HECTD4: variants seen among roughly 807,000 people sequenced by gnomAD.
HECTD4 encodes probable E3 ubiquitin-protein ligase HECTD4.
Under a neutral mutation model 471.5 loss-of-function variants are expected in HECTD4, and 114 were observed. The ratio of observed to expected loss-of-function variants is 0.24; its 90% CI spans 0.21 to 0.28. The LOEUF (loss-of-function observed/expected upper bound fraction) is 0.28, where lower values mean the gene tolerates loss of function less well. Ranked by LOEUF, HECTD4 falls within the 10% of genes least tolerant of loss-of-function variation. The pLI, the probability that HECTD4 is intolerant of heterozygous loss-of-function variation, is 1.00. For synonymous variants in HECTD4, 2,012 were observed against 2,256.0 expected (o/e 0.89, Z 3.07); for missense variants, 3,866 against 5,651.5 (o/e 0.68, Z 10.13).
Position 112,160,781 on chromosome 12 carries a change from C to T in HECTD4, c.*1606G>A, listed in dbSNP as rs1188907009. On this transcript the variant is annotated 3_prime_UTR_variant, in exon 76 of 76. Coordinates refer to ENST00000682272, the MANE Select transcript of HECTD4 (RefSeq NM_001388303.1). ...TACATCCTGGCTGTGACCCCCCACACTCAAAGGAGCTGTGGCCGCTGGGGA... is the reference window on the plus strand; with the variant it reads ...TACATCCTGGCTGTGACCCCCCACATTCAAAGGAGCTGTGGCCGCTGGGGA... 2.0e-5 allele frequency: 3 copies of T among 148,638 alleles called. No individual in the cohort carries two copies. Among genetic ancestry groups the T allele is most frequent in the African/African-American group, 7.3e-5 (3 of 41,318 alleles). 9.2% of individuals were successfully genotyped at this position (148,638 alleles called of 1,614,324 possible).
chr12:112,270,972 GC>G (rs1303718105), intron 11 of HECTD4, among the ~76,000 whole-genome samples: 13 of 152,228 alleles, frequency 8.5e-5, no homozygotes, highest in Admixed American at 7.9e-4. Flanking sequence ...AGCTGAAAAT[GC>G]CCGTTAGATA....
intron 45 of HECTD4, 60 bp downstream of exon 45, chr12:112,219,326 G>T: frequency 8.2e-7 from 1 of 1,217,716 alleles, no homozygotes; most frequent in Non-Finnish European, 1.2e-6. Flanking sequence ...CTTGCTGCTG[G>T]CCTTACTCAG....
chr12:112,319,864 A>C lies in HECTD4; in HGVS notation c.178-122T>G, dbSNP rs2035549982. The stretch of plus-strand genomic sequence containing the variant: ...GCCAAAAATTATTTTAATTACAATC[A>C]AATGGAAAACGTATACTGTAAAGCC... On this transcript the variant is annotated intron_variant, in intron 1 of 75. Transcript: ENST00000682272. This position sits in a 1 kb window ranked among gnomAD's most constrained non-coding sequence, Gnocchi z 5.3. The C allele has an allele frequency of 1.4e-6, 1 of 693,028 alleles. No individual in the cohort carries two copies. The highest frequency in any genetic ancestry group is 1.9e-5 in the African/African-American group (1 of 54,010). The allele number at this position is 693,028 out of a possible 1,614,324, so 42.9% of individuals were successfully genotyped here. A position where few individuals can be genotyped will look rare whatever the true frequency, so the allele number is the denominator to read the frequency against.
intron 7 of HECTD4, among the ~76,000 whole-genome samples, chr12:112,286,468 GT>G (rs2034755970): frequency 6.6e-6 from 1 of 152,192 alleles, no homozygotes; most frequent in South Asian, 2.1e-4. Context: ...GAGCCCAGGA[GT>G]TCGAGACCAG....
Position 112,290,850 on chromosome 12 carries a change from AAAAAAAACAAAAC to A in HECTD4, c.1336-7561_1336-7549del, listed in dbSNP as rs1370529576. ...GCAACAAGAGCGAAACTCCGTCTCA[AAAAAAAACAAAAC>A]AAAAAAAAAAAACAAATCACAGATA... On this transcript the variant is annotated intron_variant, in intron 7 of 75. Transcript: ENST00000682272. Among the ~76,000 whole-genome samples, 1,097 of 150,166 alleles carry A rather than the reference AAAAAAAACAAAAC, an allele frequency of 7.3e-3. 55 individuals are homozygous for A. Among genetic ancestry groups the A allele is most frequent in the African/African-American group, 0.025 (1,007 of 40,762 alleles).
At chr12:112,269,906 T>C in intron 12 of HECTD4, 57 bp from the exon 13 acceptor site, 1 of 1,477,608 alleles carries the variant, frequency 6.8e-7, no homozygotes, top group Non-Finnish European at 9.4e-7. Context: ...GATAAAATTA[T>C]CTCTACAAAG....
chr12:112,161,348 G>A lies in HECTD4; in HGVS notation c.*1039C>T, dbSNP rs570034884. ...CTGGGTGGGGCTGGCCAGAGGGGCA[G>A]AAGGACCCCCCTGGAGTCTCCATCT... On this transcript the variant is annotated 3_prime_UTR_variant, in exon 76 of 76. Coordinates refer to ENST00000682272, the MANE Select transcript of HECTD4 (RefSeq NM_001388303.1). The A allele has an allele frequency of 1.3e-5, 2 of 152,348 alleles. No individual in the cohort carries two copies. The highest frequency in any genetic ancestry group is 4.8e-5 in the African/African-American group (2 of 41,560). The allele number at this position is 152,348 out of a possible 1,614,324, so 9.4% of individuals were successfully genotyped here.
chr12:112,365,761 GTTTT>G (rs1289507631), intron 1 of HECTD4, among the ~76,000 whole-genome samples: 2 of 128,878 alleles, frequency 1.6e-5, no homozygotes, highest in Non-Finnish European at 3.2e-5. Flanking sequence ...GCTTCTTTGT[GTTTT>G]TTTTTTGTTT....
chr12:112,181,435 T>C (rs1038667318), intron 62 of HECTD4, among the ~76,000 whole-genome samples: 6 of 152,178 alleles, frequency 3.9e-5, no homozygotes, highest in African/African-American at 1.4e-4. Context: ...ACCCTGATCC[T>C]ACCTCTGAGG....
In HECTD4 at chr12:112,233,062, C is replaced by T; in HGVS notation, c.5939G>A (p.Arg1980Gln). 4 of 1,610,998 alleles carry T rather than the reference C, an allele frequency of 2.5e-6. No individual in the cohort carries two copies. The highest frequency in any genetic ancestry group is 3.4e-6 in the Non-Finnish European group (4 of 1,178,716). Reference protein sequence around the residue: ...LLSSSEGRPFRLGTGANMEKV... With the variant: ...LLSSSEGRPFQLGTGANMEKV... The stretch of plus-strand genomic sequence containing the variant: ...CTCCATGTTGGCGCCAGTACCAAGT[C>T]GGAAGGGCCGTCCTTCTGAACTACT... Residue 1980 changes from arginine (R) to glutamine (Q), a missense_variant, in exon 38 of 76, where the codon CGA (arginine) becomes CAA (glutamine). Coordinates refer to ENST00000682272, the MANE Select transcript of HECTD4 (RefSeq NM_001388303.1).
At chr12:112,181,942 A>C (rs1478145153) in intron 62 of HECTD4, among the ~76,000 whole-genome samples, 1 of 152,146 alleles carries the variant, frequency 6.6e-6, no homozygotes, top group Admixed American at 6.5e-5. Context: ...AAATACAAAA[A>C]TTAGCTGGGT....
At chr12:112,355,493 C>T (rs951397707) in intron 1 of HECTD4, among the ~76,000 whole-genome samples, 1 of 149,844 alleles carries the variant, frequency 6.7e-6, no homozygotes, top group South Asian at 2.1e-4. Context: ...GGCACGGTGG[C>T]TCACACCAGT....
chr12:112,258,530 G>C lies in HECTD4; in HGVS notation c.3094C>G (p.Pro1032Ala). The change falls in exon 20 of 76, where the codon CCA becomes GCA. Residue 1032 changes from proline to alanine, a missense_variant. By Grantham distance (27) the Pro-to-Ala change is conservative. This residue lies in a region of HECTD4 where 525 missense variants were observed against 672.6 expected (regional missense o/e 0.78). Coordinates refer to ENST00000682272, the MANE Select transcript of HECTD4 (RefSeq NM_001388303.1). ...GGGAACAGCCTGCACTTCTGGTCTG[G>C]TGCACCACACGGGGAACAGCCCACC... ...AEVGCSPCGA[P>A]DQKCRLFPDE... is the part of the protein sequence containing the mutation. The C allele has an allele frequency of 6.2e-7, 1 of 1,604,226 alleles. No individual in the cohort carries two copies. The highest frequency in any genetic ancestry group is 8.5e-7 in the Non-Finnish European group (1 of 1,176,058).
At chr12:112,230,309 G>C (rs1334737140) in intron 40 of HECTD4, among the ~76,000 whole-genome samples, 2 of 152,226 alleles carry the variant, frequency 1.3e-5, no homozygotes, top group Admixed American at 6.5e-5. Flanking sequence ...TTACTGACAG[G>C]GCACTCAGGC....
At chr12:112,252,279 C>T (rs2033908112) in intron 23 of HECTD4, 145 bp downstream of exon 23, 4 of 692,558 alleles carry the variant, frequency 5.8e-6, no homozygotes, top group Non-Finnish European at 9.0e-6. Context: ...CTACTAACTG[C>T]TAGTAGTTGA....
intron 6 of HECTD4, among the ~76,000 whole-genome samples, chr12:112,308,458 C>CAA (rs540084785): frequency 6.1e-5 from 7 of 114,296 alleles, no homozygotes; most frequent in African/African-American, 1.3e-4. Flanking sequence ...AAAAACAAAA[C>CAA]AAAAAAAAAA....
Position 112,254,058 on chromosome 12 carries a change from C to T in HECTD4, c.3432G>A (p.Pro1144=), listed in dbSNP as rs771472596. ...GSRSVLGTGW[P]KDLVKVEGDT... is the part of the protein sequence containing the mutation. ...AATACCATACCTTCACCAAGTCTTT[C>T]GGCCAACCAGTTCCTAAGACACTAC... Residue 1144 remains proline, a synonymous_variant, in exon 22 of 76, where the codon CCG becomes CCA. Transcript: ENST00000682272. 51 of 1,613,774 alleles carry T rather than the reference C, an allele frequency of 3.2e-5. No homozygotes were observed. Among genetic ancestry groups the T allele is most frequent in the Non-Finnish European group, 3.8e-5 (45 of 1,179,854 alleles).
intron 62 of HECTD4, among the ~76,000 whole-genome samples, chr12:112,181,411 A>T (rs1195246087): frequency 1.3e-5 from 2 of 152,062 alleles, no homozygotes; most frequent in African/African-American, 2.4e-5. Flanking sequence ...TGTACCCAAG[A>T]TCTCACTTAC....
intron 18 of HECTD4, among the ~76,000 whole-genome samples, chr12:112,260,890 G>A (rs948611609): frequency 6.6e-6 from 1 of 152,092 alleles, no homozygotes; most frequent in Admixed American, 6.6e-5. Flanking sequence ...TAAAATTACA[G>A]TAAAATCTTG....
Sources: allele counts gnomAD v4.1 joint callset (sites outside exome capture counted in the v4.1 genomes callset), GRCh38; gene constraint gnomAD v4.1.1; regional missense constraint gnomAD v4.1.1; non-coding constraint Gnocchi (gnomAD v3.1); transcripts MANE v1.5; gene names NCBI Gene and HGNC (gene_info 2026-07-23, HGNC 2026-07-21).